The following CRPPA variants were observed in gnomAD, a reference collection of about 807,000 sequenced individuals.
CRPPA encodes D-ribitol-5-phosphate cytidylyltransferase.
Under a neutral mutation model 52.0 loss-of-function variants are expected in CRPPA, and 43 were observed. The ratio of observed to expected loss-of-function variants is 0.83; its 90% CI spans 0.65 to 1.07. The LOEUF (loss-of-function observed/expected upper bound fraction) is 1.07. Ranked by LOEUF, CRPPA falls within the 50% of genes least tolerant of loss-of-function variation. The probability of loss-of-function intolerance (pLI) is 0.00; values close to 1 mark genes in which losing one functional copy is unlikely to be tolerated. For missense variants in CRPPA, 629 were observed against 551.7 expected (o/e 1.14, Z -1.40); for synonymous variants, 250 against 203.5 (o/e 1.23, Z -1.94).
chr7:16,157,514 T>C (rs1447869020), intron 9 of CRPPA, among the ~76,000 whole-genome samples: 1 of 152,224 alleles, frequency 6.6e-6, no homozygotes, highest in East Asian at 1.9e-4. Context: ...TACTGTATCC[T>C]GAAATTTGAA....
intron 6 of CRPPA, among the ~76,000 whole-genome samples, chr7:16,274,073 G>T (rs977674623): frequency 6.6e-6 from 1 of 152,120 alleles, no homozygotes; most frequent in South Asian, 2.1e-4. Context: ...TTTTTGAGAC[G>T]GAGTCTCGCT....
intron 5 of CRPPA, among the ~76,000 whole-genome samples, chr7:16,293,664 C>A (rs575836842): frequency 9.9e-5 from 15 of 151,928 alleles, no homozygotes; most frequent in Non-Finnish European, 1.3e-4. Flanking sequence ...AAACCATACA[C>A]GCCCACACTG....
chr7:16,216,331 A>C (rs1267109242), intron 8 of CRPPA, 134 bp from the exon 9 acceptor site: 1 of 571,496 alleles, frequency 1.7e-6, no homozygotes, highest in Non-Finnish European at 3.0e-6. Context: ...GTTAATCTCT[A>C]GTTATGCTTC....
At chr7:16,099,493 AG>A (rs1243114902) in intron 9 of CRPPA, among the ~76,000 whole-genome samples, 6 of 149,382 alleles carry the variant, frequency 4.0e-5, no homozygotes, top group Non-Finnish European at 8.9e-5. Context: ...AGGGAAGGGA[AG>A]GGAAGGGAAA....
intron 9 of CRPPA, among the ~76,000 whole-genome samples, chr7:16,215,082 T>C (rs1782268000): frequency 6.6e-6 from 1 of 152,214 alleles, no homozygotes; most frequent in Non-Finnish European, 1.5e-5. Context: ...GGTCCTTATA[T>C]TTAATTAAAA....
chr7:16,277,810 C>G (rs1008329096), intron 6 of CRPPA, among the ~76,000 whole-genome samples: 1 of 152,114 alleles, frequency 6.6e-6, no homozygotes, highest in Non-Finnish European at 1.5e-5. Context: ...ACAAACTTTA[C>G]TAAGCATCTA....
intron 9 of CRPPA, among the ~76,000 whole-genome samples, chr7:16,197,378 C>T (rs1781762332): frequency 6.6e-6 from 1 of 152,068 alleles, no homozygotes; most frequent in South Asian, 2.1e-4. Context: ...TTCTGTTGTC[C>T]AGGCTAGTGT....
At chr7:16,190,883 A>G (rs1781595688) in intron 9 of CRPPA, among the ~76,000 whole-genome samples, 1 of 152,028 alleles carries the variant, frequency 6.6e-6, no homozygotes, top group Admixed American at 6.6e-5. Flanking sequence ...TCCACTCCCC[A>G]GTTTTTTCAC....
intron 2 of CRPPA, among the ~76,000 whole-genome samples, chr7:16,394,227 A>G (rs183136479): frequency 2.6e-4 from 39 of 152,302 alleles, no homozygotes; most frequent in Middle Eastern, 3.4e-3. Flanking sequence ...TCAGCAAAAA[A>G]TTAGAAAACA....
intron 9 of CRPPA, among the ~76,000 whole-genome samples, chr7:16,159,383 T>G (rs925194338): frequency 1.3e-5 from 2 of 152,194 alleles, no homozygotes; most frequent in African/African-American, 4.8e-5. Flanking sequence ...TATTATTGTG[T>G]TCCCCTCCCT....
intron 3 of CRPPA, among the ~76,000 whole-genome samples, chr7:16,369,603 AC>A (rs1270764214): frequency 6.6e-6 from 1 of 152,232 alleles, no homozygotes; most frequent in East Asian, 1.9e-4. Flanking sequence ...AAAGATACAC[AC>A]CAAAAAAGAT....
chr7:16,234,085 T>C (rs1352898389), intron 8 of CRPPA, among the ~76,000 whole-genome samples: 1 of 152,160 alleles, frequency 6.6e-6, no homozygotes. Flanking sequence ...TTCAAACTTT[T>C]GTTTTCAACT....
intron 9 of CRPPA, among the ~76,000 whole-genome samples, chr7:16,212,270 A>G (rs1782169329): frequency 6.6e-6 from 1 of 152,166 alleles, no homozygotes; most frequent in African/African-American, 2.4e-5. Context: ...CCATCCAATT[A>G]AAATACTGAC....
chr7:16,251,789 T>C (rs1460816486), intron 8 of CRPPA, among the ~76,000 whole-genome samples: 3 of 152,076 alleles, frequency 2.0e-5, no homozygotes, highest in African/African-American at 7.2e-5. Flanking sequence ...AGATCTAAAA[T>C]TGATACTCCA....
intron 2 of CRPPA, among the ~76,000 whole-genome samples, chr7:16,387,910 A>T (rs1263596330): frequency 6.6e-6 from 1 of 152,238 alleles, no homozygotes; most frequent in African/African-American, 2.4e-5. Context: ...TTATAAGAGG[A>T]TCAAAATCAT....
chr7:16,250,000 T>C (rs1783399917), intron 8 of CRPPA, among the ~76,000 whole-genome samples: 1 of 152,010 alleles, frequency 6.6e-6, no homozygotes, highest in Admixed American at 6.6e-5. Flanking sequence ...GTTAGACAAA[T>C]AGCTAACTAG....
At position 16,140,740 on chromosome 7, in the gene CRPPA, C is replaced by T. The variant is rs570934815; in HGVS notation, c.1252-48941G>A. Among the ~76,000 whole-genome samples, 3 of 152,314 alleles carry T rather than the reference C, an allele frequency of 2.0e-5. No homozygotes were observed. The East Asian group carries it at 5.8e-4, about 29-fold the overall frequency. Reference sequence around the variant, plus strand: ...TCAATGGGTATCAAAAATTCCCCAGCATCTCCTGTATATCTTTTCCAGTAG... The same window carrying T: ...TCAATGGGTATCAAAAATTCCCCAGTATCTCCTGTATATCTTTTCCAGTAG... On this transcript the variant is annotated intron_variant, in intron 9 of 9. Transcript: ENST00000407010.
At chr7:16,186,863 C>T (rs983914079) in intron 9 of CRPPA, among the ~76,000 whole-genome samples, 1 of 152,072 alleles carries the variant, frequency 6.6e-6, no homozygotes, top group Non-Finnish European at 1.5e-5. Context: ...AGGATTTTGT[C>T]CCACCATCAA....
intron 8 of CRPPA, among the ~76,000 whole-genome samples, chr7:16,218,867 A>G (rs1415047920): frequency 6.6e-6 from 1 of 150,828 alleles, no homozygotes; most frequent in African/African-American, 2.4e-5. Context: ...CCCACTGTCA[A>G]CATTAGACAG....
Sources: gnomAD v4.1 joint callset for allele counts (sites outside exome capture counted in the v4.1 genomes callset) on GRCh38, gnomAD v4.1.1 for gene constraint, MANE v1.5 for transcripts, NCBI Gene and HGNC (gene_info 2026-07-23, HGNC 2026-07-21) for gene names.